Variants in TOP2B observed in about 807,000 individuals in gnomAD.
TOP2B encodes the protein DNA topoisomerase 2-beta.
In TOP2B, 51 loss-of-function variants were observed where a neutral mutation model predicts 193.5. The ratio of observed to expected loss-of-function variants is 0.26; its 90% CI spans 0.21 to 0.33. The LOEUF is 0.33. Ranked by LOEUF, TOP2B falls within the 10% of genes least tolerant of loss-of-function variation. The pLI, the probability that TOP2B is intolerant of heterozygous loss-of-function variation, is 1.00. For missense variants in TOP2B, 1,378 were observed against 1,909.3 expected (o/e 0.72, Z 5.19); for synonymous variants, 634 against 635.7 (o/e 1.00, Z 0.04).
chr3:25,634,303 C>G (rs1037087454), intron 7 of TOP2B, among the ~76,000 whole-genome samples: 8 of 152,076 alleles, frequency 5.3e-5, no homozygotes, highest in Admixed American at 5.2e-4. Context: ...CTTCCAGTTT[C>G]AGTTCAGACA....
chr3:25,664,145 TC>T, intron 1 of TOP2B, 83 bp downstream of exon 1: 1 of 1,518,738 alleles, frequency 6.6e-7, no homozygotes, highest in African/African-American at 1.4e-5. Context: ...TCCCTCCCTT[TC>T]CCCTCCCCCG....
chr3:25,651,846 C>G (rs908810418), intron 1 of TOP2B, among the ~76,000 whole-genome samples: 1 of 146,902 alleles, frequency 6.8e-6, no homozygotes, highest in Non-Finnish European at 1.5e-5. Flanking sequence ...GCCTGGACAA[C>G]AGAGGGAGAT....
At chr3:25,619,785 C>G in intron 23 of TOP2B, 77 bp downstream of exon 23, 1 of 1,077,600 alleles carries the variant, frequency 9.3e-7, no homozygotes, top group African/African-American at 1.6e-5. Context: ...TAGCCACTCC[C>G]ATCATGAAAC....
intron 32 of TOP2B, 150 bp downstream of exon 32, chr3:25,605,893 C>G (rs1182085797): frequency 1.2e-5 from 5 of 434,336 alleles, no homozygotes; most frequent in East Asian, 3.7e-5. Flanking sequence ...AGTAAAGAAG[C>G]CTTATTATCT....
rs962122800 is a variant in TOP2B, at chr3:25,652,216, C to A, written c.70-6746G>T. Among the ~76,000 whole-genome samples the A allele has an allele frequency of 2.6e-5, 4 of 152,248 alleles. No individual in the cohort carries two copies. The East Asian group carries it at 7.7e-4, about 29-fold the overall frequency. ...AAGTGAAGGGAGAGAGAGACCAACA[C>A]AATAATAGTAGGAGACTTCACTAGC... On this transcript the variant is annotated intron_variant, in intron 1 of 35. Transcript: ENST00000264331.
chr3:25,611,751 G>A (rs1469065080), intron 28 of TOP2B, among the ~76,000 whole-genome samples: 1 of 151,838 alleles, frequency 6.6e-6, no homozygotes, highest in East Asian at 1.9e-4. Flanking sequence ...GGTAGTTTAA[G>A]GACAAACACA....
chr3:25,630,743 T>C (rs987399116), intron 11 of TOP2B, 58 bp downstream of exon 11: 13 of 1,401,816 alleles, frequency 9.3e-6, no homozygotes, highest in African/African-American at 1.5e-5. Flanking sequence ...AAAAAAATTC[T>C]GTAACTAAAT....
At chr3:25,656,139 G>C (rs1242561104) in intron 1 of TOP2B, among the ~76,000 whole-genome samples, 1 of 152,122 alleles carries the variant, frequency 6.6e-6, no homozygotes, top group Admixed American at 6.5e-5. Context: ...ATGAATGTGT[G>C]ACAATACACT....
At chr3:25,634,781 AAAAAAAAAAAAAAAAACC>A (rs2125383634) in intron 7 of TOP2B, among the ~76,000 whole-genome samples, 1 of 134,216 alleles carries the variant, frequency 7.5e-6, no homozygotes, top group South Asian at 2.5e-4. Flanking sequence ...CCCTTACCAA[AAAAAAAAAAAAAAAAACC>A]AAAAAAAGGC....
chr3:25,625,040 T>C (rs569801824), intron 18 of TOP2B: 3 of 311,466 alleles, frequency 9.6e-6, no homozygotes, highest in African/African-American at 6.6e-5. Flanking sequence ...ACTCCAAAAG[T>C]GAACTGCCAA....
At chr3:25,645,521 A>G in intron 1 of TOP2B, 51 bp from the exon 2 acceptor site, 1 of 1,426,228 alleles carries the variant, frequency 7.0e-7, no homozygotes, top group Admixed American at 2.1e-5. Flanking sequence ...GGGGTAGACA[A>G]TGAGTATGGA....
At chr3:25,648,317 G>A (rs1023742634) in intron 1 of TOP2B, among the ~76,000 whole-genome samples, 1 of 152,102 alleles carries the variant, frequency 6.6e-6, no homozygotes, top group Non-Finnish European at 1.5e-5. Context: ...CACACCAGAG[G>A]GAGCAGACAG....
chr3:25,658,522 TTC>T (rs1380398180), intron 1 of TOP2B, among the ~76,000 whole-genome samples: 2 of 152,058 alleles, frequency 1.3e-5, no homozygotes, highest in Non-Finnish European at 2.9e-5. Flanking sequence ...TTTAATTATA[TTC>T]TTTTTCATTT....
At chr3:25,604,911 A>T in intron 32 of TOP2B, 41 bp from the exon 33 acceptor site, 1 of 1,430,078 alleles carries the variant, frequency 7.0e-7, no homozygotes, top group East Asian at 2.3e-5. Context: ...GAGATGTTAT[A>T]AAGATCTCTC....
chr3:25,637,106 A>AC, intron 6 of TOP2B, 109 bp downstream of exon 6: 3 of 812,382 alleles, frequency 3.7e-6, no homozygotes, highest in Non-Finnish European at 5.9e-6. Flanking sequence ...CTTTGGAAAA[A>AC]AAAAATGAAG....
chr3:25,644,051 T>C (rs1372086146), intron 2 of TOP2B, among the ~76,000 whole-genome samples: 8 of 151,702 alleles, frequency 5.3e-5, no homozygotes, highest in African/African-American at 1.9e-4. Flanking sequence ...CAGTATTAAA[T>C]AGTTGAAAAA....
intron 33 of TOP2B, among the ~76,000 whole-genome samples, chr3:25,602,417 A>AG (rs1553639166): frequency 0.17 from 11,545 of 69,006 alleles, 581 homozygotes; most frequent in African/African-American, 0.34. Context: ...AAAGAAAAAG[A>AG]AAAAAAAAAA....
intron 30 of TOP2B, among the ~76,000 whole-genome samples, chr3:25,608,902 G>C (rs150914509): frequency 2.5e-3 from 382 of 152,228 alleles, no homozygotes; most frequent in African/African-American, 8.6e-3. Flanking sequence ...ATCATTGCTG[G>C]TATTGTGGCA....
chr3:25,646,924 A>G (rs1703431061), intron 1 of TOP2B, among the ~76,000 whole-genome samples: 1 of 152,154 alleles, frequency 6.6e-6, no homozygotes, highest in Non-Finnish European at 1.5e-5. Flanking sequence ...ATTTCAAAAT[A>G]AAAGTATTAA....
Sources: gnomAD v4.1 joint callset for allele counts (sites outside exome capture counted in the v4.1 genomes callset) on GRCh38, gnomAD v4.1.1 for gene constraint, MANE v1.5 for transcripts, NCBI Gene and HGNC (gene_info 2026-07-23, HGNC 2026-07-21) for gene names.